The following CACNB2 variants were observed in gnomAD, a reference collection of about 807,000 sequenced individuals.
CACNB2 encodes calcium voltage-gated channel auxiliary subunit beta 2.
Under a neutral mutation model 73.3 loss-of-function variants are expected in CACNB2, and 42 were observed. The observed-to-expected ratio is 0.57, with a 90% CI of 0.45 to 0.74. The LOEUF is 0.74. Ranked by LOEUF, CACNB2 falls within the 30% of genes least tolerant of loss-of-function variation. The pLI, the probability that CACNB2 is intolerant of heterozygous loss-of-function variation, is 0.00. For synonymous variants in CACNB2, 348 were observed against 310.3 expected, an observed-to-expected ratio of 1.12 and a Z score of -1.28; for missense variants, 940 against 853.0, an observed-to-expected ratio of 1.10 and a Z score of -1.27.
intron 2 of CACNB2, among the ~76,000 whole-genome samples, chr10:18,205,007 T>C (rs922866415): frequency 6.7e-6 from 1 of 150,154 alleles, no homozygotes; most frequent in Non-Finnish European, 1.5e-5. Context: ...CTGGCTTTCA[T>C]GCCCAAGACT....
At chr10:18,327,920 T>C (rs2040647694) in intron 2 of CACNB2, among the ~76,000 whole-genome samples, 1 of 152,060 alleles carries the variant, frequency 6.6e-6, no homozygotes, top group Admixed American at 6.6e-5. Context: ...GGAAGTTTTG[T>C]CAAATGCCTG....
At chr10:18,233,352 CTA>C in intron 2 of CACNB2, among the ~76,000 whole-genome samples, 1 of 152,208 alleles carries the variant, frequency 6.6e-6, no homozygotes, top group African/African-American at 2.4e-5. Context: ...TGCCACTTTT[CTA>C]TGTTTAGTGA....
chr10:18,506,494 C>T lies in CACNB2; in HGVS notation c.617C>T (p.Ser206Phe). 1 of 1,611,760 alleles carries T rather than the reference C, an allele frequency of 6.2e-7. No homozygotes were observed. Among genetic ancestry groups the T allele is most frequent in the Non-Finnish European group, 8.5e-7 (1 of 1,177,978 alleles). The change falls in exon 6 of 14, where the codon TCC becomes TTC. Residue 206 changes from serine to phenylalanine, a missense_variant. Transcript: ENST00000324631. ...AGTAAATCAGGAGGAAATTCATCATCCAGTTTGGGTGACATAGTACCTAGT... is the reference window on the plus strand; with the variant it reads ...AGTAAATCAGGAGGAAATTCATCATTCAGTTTGGGTGACATAGTACCTAGT... ...YSSKSGGNSS[S>F]SLGDIVPSSR...
At chr10:18,220,232 T>TATATAG (rs1488872721) in intron 2 of CACNB2, among the ~76,000 whole-genome samples, 34 of 25,082 alleles carry the variant, frequency 1.4e-3, no homozygotes, top group South Asian at 1.9e-3. Flanking sequence ...TATATATATA[T>TATATAG]AGAGAGAGAG....
chr10:18,302,143 C>T (rs192449333), intron 2 of CACNB2, among the ~76,000 whole-genome samples: 1 of 152,098 alleles, frequency 6.6e-6, no homozygotes, highest in Non-Finnish European at 1.5e-5. Flanking sequence ...CCCAACTTGA[C>T]GTAAAGAAAT....
chr10:18,411,596 C>T (rs1484896824), intron 3 of CACNB2, among the ~76,000 whole-genome samples: 1 of 149,764 alleles, frequency 6.7e-6, no homozygotes, highest in Non-Finnish European at 1.5e-5. Context: ...GCAGCCTCTG[C>T]CTCCTGGGTT....
rs143082342 is a variant in CACNB2, at chr10:18,180,881, G to A, written c.213+29906G>A. 2.5e-3 allele frequency among the ~76,000 whole-genome samples: 382 copies of A among 151,878 alleles called. 1 individual carries two copies. The highest frequency in any genetic ancestry group is 8.8e-3 in the African/African-American group (363 of 41,392). Reference sequence around the variant, plus strand: ...CTCAGGAGGCTGAGACAGGAACATCGCTTGAACCCGGGAGATGGAGGTTGC... The same window carrying A: ...CTCAGGAGGCTGAGACAGGAACATCACTTGAACCCGGGAGATGGAGGTTGC... On this transcript the variant is annotated intron_variant, in intron 2 of 13. Transcript: ENST00000324631.
rs925412850 is a variant in CACNB2, at chr10:18,380,089, G to C, written c.214-21835G>C. On this transcript the variant is annotated intron_variant, in intron 2 of 13. Coordinates refer to ENST00000324631, the MANE Select transcript of CACNB2 (RefSeq NM_201596.3). ...TTTTGTGACTGGCTTATCTCAGTTTGCATAATGTCTTCAAGATTTATCAGA... is the reference window on the plus strand; with the variant it reads ...TTTTGTGACTGGCTTATCTCAGTTTCCATAATGTCTTCAAGATTTATCAGA... Among the ~76,000 whole-genome samples, 6 of 152,134 alleles carry C rather than the reference G, an allele frequency of 3.9e-5. No individual in the cohort carries two copies. The South Asian group carries it at 1.0e-3, about 26-fold the overall frequency.
At chr10:18,310,723 G>A (rs1032637325) in intron 2 of CACNB2, among the ~76,000 whole-genome samples, 1 of 150,436 alleles carries the variant, frequency 6.6e-6, no homozygotes, top group Non-Finnish European at 1.5e-5. Context: ...GGGATTACAG[G>A]CATGCGCCAC....
At chr10:18,456,087 ATTC>A (rs1334315763) in intron 3 of CACNB2, among the ~76,000 whole-genome samples, 3 of 152,100 alleles carry the variant, frequency 2.0e-5, no homozygotes, top group Admixed American at 2.0e-4. Flanking sequence ...GTTGTCAATT[ATTC>A]TTCTTCCTCT....
intron 9 of CACNB2, 43 bp from the exon 10 acceptor site, chr10:18,527,545 G>T: frequency 1.6e-6 from 2 of 1,274,834 alleles, no homozygotes; most frequent in South Asian, 1.2e-5. Context: ...CCTTTGATTA[G>T]ACCAATAACC....
rs528189660 is a variant in CACNB2, at chr10:18,360,012, G to A, written c.214-41912G>A. Among the ~76,000 whole-genome samples, 20 of 152,290 alleles carry A rather than the reference G, an allele frequency of 1.3e-4. No individual in the cohort carries two copies. The South Asian group carries it at 3.1e-3, about 24-fold the overall frequency. ...TAGGAACTGGACTCTATACTGGGGAGGGCGGGTAAGAACAGTACAGGAGCA... is the reference window on the plus strand; with the variant it reads ...TAGGAACTGGACTCTATACTGGGGAAGGCGGGTAAGAACAGTACAGGAGCA... On this transcript the variant is annotated intron_variant, in intron 2 of 13. Coordinates refer to ENST00000324631, the MANE Select transcript of CACNB2 (RefSeq NM_201596.3).
At chr10:18,389,086 C>G (rs2043353894) in intron 2 of CACNB2, among the ~76,000 whole-genome samples, 1 of 152,182 alleles carries the variant, frequency 6.6e-6, no homozygotes, top group Non-Finnish European at 1.5e-5. Flanking sequence ...AAGAATTTAA[C>G]TGAACTCCCA....
At chr10:18,513,798 G>A in intron 6 of CACNB2, 1 of 248,112 alleles carries the variant, frequency 4.0e-6, no homozygotes, top group Non-Finnish European at 7.9e-6. Flanking sequence ...TTCCAACAGT[G>A]CAAAAACCGC....
chr10:18,537,228 T>C (rs59368188), intron 12 of CACNB2, among the ~76,000 whole-genome samples: 2 of 152,036 alleles, frequency 1.3e-5, no homozygotes, highest in African/African-American at 4.8e-5. Context: ...CCTCAAGTGA[T>C]CCATCCACCT....
At chr10:18,344,827 G>A (rs2041381348) in intron 2 of CACNB2, among the ~76,000 whole-genome samples, 1 of 152,142 alleles carries the variant, frequency 6.6e-6, no homozygotes, top group South Asian at 2.1e-4. Flanking sequence ...TGTGGGTGTA[G>A]GAATACCCCA....
intron 2 of CACNB2, among the ~76,000 whole-genome samples, chr10:18,180,177 A>C (rs1018133776): frequency 6.6e-6 from 1 of 152,070 alleles, no homozygotes; most frequent in Non-Finnish European, 1.5e-5. Context: ...CTGGAGGGAG[A>C]GGAATGATCT....
chr10:18,457,117 G>A (rs2047323418), intron 3 of CACNB2, among the ~76,000 whole-genome samples: 1 of 152,076 alleles, frequency 6.6e-6, no homozygotes, highest in Non-Finnish European at 1.5e-5. Context: ...TGTTTAGACA[G>A]AGTTTCACTC....
intron 9 of CACNB2, among the ~76,000 whole-genome samples, chr10:18,521,750 TAA>T (rs1234432377): frequency 3.3e-5 from 5 of 152,156 alleles, no homozygotes; most frequent in African/African-American, 1.2e-4. Context: ...CCTCAGAGTT[TAA>T]GAGTAGGTTA....
Sources: allele counts gnomAD v4.1 joint callset (sites outside exome capture counted in the v4.1 genomes callset), GRCh38; gene constraint gnomAD v4.1.1; transcripts MANE v1.5; gene names NCBI Gene and HGNC (gene_info 2026-07-23, HGNC 2026-07-21).